LEKR1: variants seen among roughly 807,000 people sequenced by gnomAD.
The protein encoded by LEKR1 is protein LEKR1.
A neutral mutation model predicts 72.4 loss-of-function variants in LEKR1; 59 were observed. That is an observed-to-expected ratio of 0.82 (90% confidence interval 0.66 to 1.01). The LOEUF (loss-of-function observed/expected upper bound fraction) is 1.01. Ranked by LOEUF, LEKR1 falls within the 50% of genes least tolerant of loss-of-function variation. LEKR1 has a pLI of 0.00. For missense variants in LEKR1, 728 were observed against 759.2 expected (o/e 0.96, Z 0.48); for synonymous variants, 257 against 263.2 (o/e 0.98, Z 0.23).
At chr3:156,899,541 C>CATGT (rs1721697917) in intron 3 of LEKR1, among the ~76,000 whole-genome samples, 1 of 134,736 alleles carries the variant, frequency 7.4e-6, no homozygotes, top group African/African-American at 2.8e-5. Context: ...CACATATATA[C>CATGT]ATATATACAC....
At chr3:156,897,534 G>T (rs1225820002) in intron 3 of LEKR1, among the ~76,000 whole-genome samples, 5 of 152,116 alleles carry the variant, frequency 3.3e-5, no homozygotes, top group African/African-American at 1.2e-4. Context: ...AACTCAAAGT[G>T]GTGGGGGCGG....
At chr3:156,941,572 T>C (rs1176242557) in intron 5 of LEKR1, among the ~76,000 whole-genome samples, 1 of 152,110 alleles carries the variant, frequency 6.6e-6, no homozygotes. Context: ...CCAACCACTT[T>C]TGACATCTCG....
chr3:156,925,491 A>G (rs1724629994), intron 4 of LEKR1, among the ~76,000 whole-genome samples: 1 of 152,048 alleles, frequency 6.6e-6, no homozygotes. Context: ...GGAATCCTCA[A>G]TATTCTGCTT....
chr3:156,990,600 C>A (rs919410541), intron 7 of LEKR1, among the ~76,000 whole-genome samples: 2 of 152,136 alleles, frequency 1.3e-5, no homozygotes, highest in African/African-American at 4.8e-5. Flanking sequence ...AAGCAAGATC[C>A]TACCTTCATC....
intron 3 of LEKR1, among the ~76,000 whole-genome samples, chr3:156,861,700 A>T (rs1716779040): frequency 6.6e-6 from 1 of 152,156 alleles, no homozygotes; most frequent in South Asian, 2.1e-4. Context: ...CCATTAAAAA[A>T]TAATTTTAAA....
At chr3:156,904,255 T>C (rs1250130178) in intron 3 of LEKR1, among the ~76,000 whole-genome samples, 1 of 152,088 alleles carries the variant, frequency 6.6e-6, no homozygotes. Context: ...TAAGACAATG[T>C]TTTATATAAA....
At chr3:156,872,989 G>T (rs543950574) in intron 3 of LEKR1, among the ~76,000 whole-genome samples, 1 of 151,910 alleles carries the variant, frequency 6.6e-6, no homozygotes, top group Admixed American at 6.6e-5. Flanking sequence ...AAATATAATG[G>T]TTTTTTGTTA....
At chr3:156,926,776 G>C (rs1724755493) in intron 4 of LEKR1, among the ~76,000 whole-genome samples, 1 of 152,052 alleles carries the variant, frequency 6.6e-6, no homozygotes, top group African/African-American at 2.4e-5. Context: ...CTGCCTTATA[G>C]ATCTTAGTCT....
At chr3:156,987,813 A>G (rs1330864977) in intron 7 of LEKR1, among the ~76,000 whole-genome samples, 1 of 152,180 alleles carries the variant, frequency 6.6e-6, no homozygotes, top group Admixed American at 6.5e-5. Context: ...TAATTAGTCT[A>G]GTAAATCATC....
chr3:156,937,819 A>G (rs1400447951), intron 5 of LEKR1, among the ~76,000 whole-genome samples: 1 of 152,216 alleles, frequency 6.6e-6, no homozygotes, highest in African/African-American at 2.4e-5. Flanking sequence ...ATCATGTAAT[A>G]CTGTTCAGCA....
At chr3:156,872,296 C>G (rs1718045442) in intron 3 of LEKR1, among the ~76,000 whole-genome samples, 1 of 151,614 alleles carries the variant, frequency 6.6e-6, no homozygotes, top group African/African-American at 2.4e-5. Context: ...TTTTTCATAC[C>G]TGATTTTATT....
intron 3 of LEKR1, 135 bp from the exon 4 acceptor site, chr3:156,920,440 T>C: frequency 7.3e-6 from 4 of 550,262 alleles, no homozygotes; most frequent in Middle Eastern, 9.5e-4. Flanking sequence ...ATTTTTTCTG[T>C]ACATTCATAT....
At chr3:156,873,858 G>T (rs1412671907) in intron 3 of LEKR1, among the ~76,000 whole-genome samples, 1 of 151,978 alleles carries the variant, frequency 6.6e-6, no homozygotes, top group Non-Finnish European at 1.5e-5. Flanking sequence ...TTTCTGCTGA[G>T]AAATCTGCTA....
At chr3:156,899,427 CATGTATATATACATAT>C (rs1721625516) in intron 3 of LEKR1, among the ~76,000 whole-genome samples, 5 of 67,494 alleles carry the variant, frequency 7.4e-5, no homozygotes, top group Admixed American at 5.5e-4. Context: ...CACATATATA[CATGTATATATACATAT>C]ATACATATAT....
At chr3:156,896,643 G>A (rs925542847) in intron 3 of LEKR1, among the ~76,000 whole-genome samples, 15 of 152,178 alleles carry the variant, frequency 9.9e-5, no homozygotes, top group African/African-American at 3.6e-4. Flanking sequence ...CAGCAGTTTG[G>A]AGATTTCTCA....
At chr3:156,841,333 A>T (rs1041003646) in intron 2 of LEKR1, among the ~76,000 whole-genome samples, 6 of 152,218 alleles carry the variant, frequency 3.9e-5, no homozygotes, top group African/African-American at 1.4e-4. Context: ...ATATGTATTT[A>T]TTTTTATAAG....
chr3:156,885,885 G>C (rs756659702), intron 3 of LEKR1, among the ~76,000 whole-genome samples: 1 of 152,188 alleles, frequency 6.6e-6, no homozygotes, highest in Non-Finnish European at 1.5e-5. Flanking sequence ...GGCTTAAGTT[G>C]GTTGGCCTAC....
intron 5 of LEKR1, 42 bp downstream of exon 5, chr3:156,927,646 A>C: frequency 1.3e-6 from 1 of 793,982 alleles, no homozygotes; most frequent in Non-Finnish European, 1.7e-6. Flanking sequence ...CCTTTTTGGT[A>C]AATGGTACAT....
At position 156,852,790 on chromosome 3, in the gene LEKR1, G is replaced by GT. The variant is rs1344332220; in HGVS notation, c.72dup (p.Lys25Ter). The GT allele has an allele frequency of 1.3e-6, 2 of 1,526,528 alleles. No individual in the cohort carries two copies. Among genetic ancestry groups the GT allele is most frequent in the African/African-American group, 1.4e-5 (1 of 72,256 alleles). 94.6% of individuals were successfully genotyped at this position (1,526,528 alleles called of 1,614,324 possible). ...TAGATGTTGCCTGAAGAAAAAGTTT[G>GT]TAAGTACTGTGGAGTCAGCTATCTA... On this transcript the variant is annotated frameshift_variant, in exon 3 of 13. Transcript: ENST00000356539. LOFTEE classifies it high-confidence loss of function.
Sources: gnomAD v4.1 joint callset for allele counts (sites outside exome capture counted in the v4.1 genomes callset) on GRCh38, gnomAD v4.1.1 for gene constraint, MANE v1.5 for transcripts, NCBI Gene and HGNC (gene_info 2026-07-23, HGNC 2026-07-21) for gene names.